CDH4: variants seen among roughly 807,000 people sequenced by gnomAD.
The protein encoded by CDH4 is cadherin 4, also known as cadherin-4.
A neutral mutation model predicts 86.0 loss-of-function variants in CDH4; 33 were observed. The ratio of observed to expected loss-of-function variants is 0.38; its 90% CI spans 0.29 to 0.51. The LOEUF (loss-of-function observed/expected upper bound fraction) is 0.51. Among genes scored for constraint, CDH4 ranks in the 20% least tolerant of loss-of-function variants. CDH4 has a pLI of 0.86. For missense variants in CDH4, 1,114 were observed against 1,307.4 expected, an observed-to-expected ratio of 0.85 and a Z score of 2.28; for synonymous variants, 555 against 549.4, an observed-to-expected ratio of 1.01 and a Z score of -0.14.
chr20:61,887,845 A>G (rs2122842625), intron 7 of CDH4, among the ~76,000 whole-genome samples: 1 of 152,294 alleles, frequency 6.6e-6, no homozygotes, highest in African/African-American at 2.4e-5. Flanking sequence ...AGGCAGCCAC[A>G]GCCAAATAAA....
chr20:61,734,273 C>A (rs2088233116), intron 2 of CDH4, among the ~76,000 whole-genome samples: 1 of 152,234 alleles, frequency 6.6e-6, no homozygotes, highest in Non-Finnish European at 1.5e-5. Flanking sequence ...CCGGGCTCTG[C>A]TGTTTAGCTG....
intron 2 of CDH4, among the ~76,000 whole-genome samples, chr20:61,700,720 T>C (rs1345995398): frequency 6.6e-6 from 1 of 152,190 alleles, no homozygotes; most frequent in African/African-American, 2.4e-5. Context: ...ACGGCCTCAC[T>C]GTGGGGCCAT....
chr20:61,716,084 C>G (rs1459022928), intron 2 of CDH4, among the ~76,000 whole-genome samples: 1 of 152,298 alleles, frequency 6.6e-6, no homozygotes, highest in African/African-American at 2.4e-5. Flanking sequence ...TCACTGTGCT[C>G]GGCTGGAGCT....
intron 3 of CDH4, among the ~76,000 whole-genome samples, chr20:61,748,706 A>T (rs1172964350): frequency 6.6e-6 from 1 of 152,232 alleles, no homozygotes; most frequent in Non-Finnish European, 1.5e-5. Flanking sequence ...AAGAGATAGA[A>T]GTTGTTTGCA....
At chr20:61,554,925 G>T (rs754087170) in intron 2 of CDH4, among the ~76,000 whole-genome samples, 1 of 152,226 alleles carries the variant, frequency 6.6e-6, no homozygotes, top group Admixed American at 6.5e-5. Context: ...ATGTGTGCTC[G>T]TGTGTGCATG....
intron 2 of CDH4, among the ~76,000 whole-genome samples, chr20:61,442,413 C>T (rs1368922342): frequency 7.7e-6 from 1 of 129,216 alleles, no homozygotes; most frequent in Non-Finnish European, 1.7e-5. Context: ...TTATGCTCAT[C>T]ATCTGCTGTG....
At chr20:61,538,046 G>T (rs1407076630) in intron 2 of CDH4, among the ~76,000 whole-genome samples, 2 of 152,178 alleles carry the variant, frequency 1.3e-5, no homozygotes, top group African/African-American at 4.8e-5. Context: ...CCCCTAGGCT[G>T]CTTAATTATG....
chr20:61,923,471 C>G lies in CDH4; in HGVS notation c.1395C>G (p.Asn465Lys). Residue 465 changes from asparagine to lysine, a missense_variant, in exon 10 of 16, where the codon AAC (asparagine) becomes AAG (lysine). By Grantham distance (94) the Asn-to-Lys change is moderately conservative (BLOSUM62 0). Transcript: ENST00000614565. The part of the protein sequence containing the change: ...TVVKAVDYEL[N>K]RAFMLTVMVS... ...TCCAGGCAGTCGACTACGAGCTCAACAGAGCTTTCATGCTGACAGTGATGG... is the reference window on the plus strand; with the variant it reads ...TCCAGGCAGTCGACTACGAGCTCAAGAGAGCTTTCATGCTGACAGTGATGG... 1 of 1,614,162 alleles carries G rather than the reference C, an allele frequency of 6.2e-7. No individual in the cohort carries two copies. Among genetic ancestry groups the G allele is most frequent in the Non-Finnish European group, 8.5e-7 (1 of 1,180,022 alleles).
chr20:61,461,984 C>T (rs921085241), intron 2 of CDH4, among the ~76,000 whole-genome samples: 2 of 152,148 alleles, frequency 1.3e-5, no homozygotes, highest in Non-Finnish European at 2.9e-5. Flanking sequence ...TTTAGTCCTC[C>T]CAGATCAGGT....
Position 61,847,245 on chromosome 20 carries a change from G to A in CDH4, c.732+2422G>A, listed in dbSNP as rs1403951807. On this transcript the variant is annotated intron_variant, in intron 5 of 15. Transcript: ENST00000614565. ...TCTGCACACAGCACGGCTAGGGGAC[G>A]GGGACCTCCAGGGCCACCACTGGAC... 3.3e-5 allele frequency among the ~76,000 whole-genome samples: 5 copies of A among 152,202 alleles called. No homozygotes were observed. In the South Asian group the frequency reaches 6.2e-4, roughly 19 times the overall value.
intron 2 of CDH4, among the ~76,000 whole-genome samples, chr20:61,486,768 A>G (rs1488883772): frequency 6.6e-6 from 1 of 152,154 alleles, no homozygotes; most frequent in Non-Finnish European, 1.5e-5. Flanking sequence ...ATGTGCCTGT[A>G]GTCCTAGCCA....
chr20:61,719,654 C>A (rs2088008552), intron 2 of CDH4: 1 of 156,412 alleles, frequency 6.4e-6, no homozygotes, highest in Admixed American at 6.1e-5. Context: ...GATCCAATGT[C>A]CCCCCAGAAG....
chr20:61,932,925 C>G, intron 13 of CDH4, 60 bp from the exon 14 acceptor site: 1 of 1,582,628 alleles, frequency 6.3e-7, no homozygotes, highest in African/African-American at 1.3e-5. Flanking sequence ...ATGGCAAACA[C>G]AGAGGCACAC....
At chr20:61,262,665 C>G (rs2084134010) in intron 2 of CDH4, among the ~76,000 whole-genome samples, 1 of 152,136 alleles carries the variant, frequency 6.6e-6, no homozygotes, top group Non-Finnish European at 1.5e-5. Flanking sequence ...CTCCATGACA[C>G]TAATTTCAAA....
intron 9 of CDH4, among the ~76,000 whole-genome samples, chr20:61,914,331 T>C (rs1448316267): frequency 6.6e-6 from 1 of 152,236 alleles, no homozygotes; most frequent in Non-Finnish European, 1.5e-5. Context: ...CGCAAGGATG[T>C]AGCCACTGTC....
chr20:61,522,927 A>C (rs2085883027), intron 2 of CDH4, among the ~76,000 whole-genome samples: 1 of 152,238 alleles, frequency 6.6e-6, no homozygotes, highest in South Asian at 2.1e-4. Context: ...GAAAGCACAC[A>C]AAGCTGCCGA....
intron 2 of CDH4, among the ~76,000 whole-genome samples, chr20:61,615,314 G>T (rs2086716787): frequency 6.6e-6 from 1 of 151,054 alleles, no homozygotes; most frequent in Admixed American, 6.6e-5. Flanking sequence ...CAGAGATGTG[G>T]TTTCACGATG....
intron 8 of CDH4, among the ~76,000 whole-genome samples, chr20:61,905,708 ACAGC>A (rs974708315): frequency 2.5e-4 from 38 of 152,264 alleles, no homozygotes; most frequent in African/African-American, 8.7e-4. Flanking sequence ...TGAACCACAG[ACAGC>A]CAGGTGCACC....
rs577136438 is a variant in CDH4, at chr20:61,844,673, G to A, written c.582G>A (p.Arg194=). 6 of 1,610,414 alleles carry A rather than the reference G, an allele frequency of 3.7e-6. No homozygotes were observed. The South Asian group carries it at 5.5e-5, about 15-fold the overall frequency. Residue 194 remains arginine, a synonymous_variant, in exon 5 of 16, where the codon CGG becomes CGA. Transcript: ENST00000614565. ...GCTTTGCTCCTGCCTTTCAGATCCG[G>A]TCCGACAAAGACAATGACATCCCCA... ...GPFPQQLVRI[R]SDKDNDIPIR... is the part of the protein sequence containing the mutation.
Sources: gnomAD v4.1 joint callset for allele counts (sites outside exome capture counted in the v4.1 genomes callset) on GRCh38, gnomAD v4.1.1 for gene constraint, MANE v1.5 for transcripts, NCBI Gene and HGNC (gene_info 2026-07-23, HGNC 2026-07-21) for gene names.